The following MED12L variants were observed in gnomAD, a reference collection of about 807,000 sequenced individuals.
MED12L encodes the protein mediator complex subunit 12L.
MED12L carries 60 observed loss-of-function variants against 281.3 expected under a neutral mutation model. The observed-to-expected ratio is 0.21, with a 90% CI of 0.17 to 0.26. The LOEUF is 0.26. MED12L is among the 10% of genes least tolerant of loss of function. MED12L has a pLI of 1.00. For synonymous variants in MED12L, 974 were observed against 987.2 expected, an observed-to-expected ratio of 0.99 and a Z score of 0.25; for missense variants, 2,146 against 2,680.9, an observed-to-expected ratio of 0.80 and a Z score of 4.41.
At chr3:151,170,467 G>A (rs1721292911) in intron 11 of MED12L, among the ~76,000 whole-genome samples, 2 of 151,598 alleles carry the variant, frequency 1.3e-5, no homozygotes, top group African/African-American at 4.8e-5. Context: ...GTAGAGATGG[G>A]GTTTCACCAT....
At chr3:151,394,606 C>T in intron 38 of MED12L, 50 bp from the exon 39 acceptor site, 1 of 1,604,784 alleles carries the variant, frequency 6.2e-7, no homozygotes, top group Non-Finnish European at 8.5e-7. Context: ...ATAAAAAGAC[C>T]TGTTGCATTA....
At chr3:151,427,221 C>T (rs973690057) in intron 43 of MED12L, among the ~76,000 whole-genome samples, 3 of 152,146 alleles carry the variant, frequency 2.0e-5, no homozygotes, top group Admixed American at 6.5e-5. Context: ...CTGTAATGTA[C>T]GTGCATGAGA....
intron 16 of MED12L, among the ~76,000 whole-genome samples, chr3:151,203,434 A>G (rs921240611): frequency 1.3e-5 from 2 of 151,530 alleles, no homozygotes; most frequent in African/African-American, 4.8e-5. Flanking sequence ...TAAAGTATCC[A>G]AGGTATGTTT....
At chr3:151,092,002 A>G (rs902934572) in intron 2 of MED12L, among the ~76,000 whole-genome samples, 2 of 152,204 alleles carry the variant, frequency 1.3e-5, no homozygotes, top group African/African-American at 4.8e-5. Flanking sequence ...CTGATCCCTT[A>G]TTAAAGGATG....
intron 39 of MED12L, among the ~76,000 whole-genome samples, chr3:151,395,686 C>T (rs1714866632): frequency 6.6e-6 from 1 of 152,190 alleles, no homozygotes; most frequent in South Asian, 2.1e-4. Context: ...TTTCTAAGCA[C>T]TTTAGATGTA....
At chr3:151,118,773 A>T (rs1469926761) in intron 3 of MED12L, among the ~76,000 whole-genome samples, 1 of 151,890 alleles carries the variant, frequency 6.6e-6, no homozygotes, top group Non-Finnish European at 1.5e-5. Context: ...CGCTCACTGC[A>T]ACCTCTGCCT....
chr3:151,276,550 C>T lies in MED12L; in HGVS notation c.2251-73509C>T, dbSNP rs544583282. Among the ~76,000 whole-genome samples, 22 of 152,224 alleles carry T rather than the reference C, an allele frequency of 1.4e-4. No individual in the cohort carries two copies. The South Asian group carries it at 4.6e-3, about 32-fold the overall frequency. Reference sequence around the variant, plus strand: ...GAGGTTGAAACAGCTCACTTGTGACCGACCTAACTTCTAAGGATATCCTGG... The same window carrying T: ...GAGGTTGAAACAGCTCACTTGTGACTGACCTAACTTCTAAGGATATCCTGG... On this transcript the variant is annotated intron_variant, in intron 16 of 44. Transcript: ENST00000687756.
intron 16 of MED12L, among the ~76,000 whole-genome samples, chr3:151,205,155 T>A (rs1156744859): frequency 6.6e-6 from 1 of 152,234 alleles, no homozygotes; most frequent in Non-Finnish European, 1.5e-5. Context: ...TTTTTCTATC[T>A]GTTTCACTGA....
intron 35 of MED12L, chr3:151,384,556 T>A (rs1387865517): frequency 5.0e-6 from 1 of 202,020 alleles, no homozygotes; most frequent in Non-Finnish European, 9.9e-6. Flanking sequence ...AAAATAGCCA[T>A]CTGCATTGAA....
At chr3:151,242,482 G>A (rs1411009792) in intron 16 of MED12L, among the ~76,000 whole-genome samples, 1 of 152,106 alleles carries the variant, frequency 6.6e-6, no homozygotes, top group Non-Finnish European at 1.5e-5. Flanking sequence ...CAGCCTAACT[G>A]GGAGGCACCC....
Position 151,284,290 on chromosome 3 carries a change from T to G in MED12L, c.2251-65769T>G, listed in dbSNP as rs112459285. ...ATCACATGTAGAGTTTTGTTTGTTT[T>G]TTTTTTTCTACCCAAAGAATAAGCC... is the stretch of plus-strand genomic sequence containing the variant. On this transcript the variant is annotated intron_variant, in intron 16 of 44. Coordinates refer to ENST00000687756, the MANE Select transcript of MED12L (RefSeq NM_001393769.1). Among the ~76,000 whole-genome samples the G allele has an allele frequency of 6.6e-3, 997 of 152,184 alleles. 8 individuals carry two copies. The highest frequency in any genetic ancestry group is 0.013 in the South Asian group (61 of 4,828).
chr3:151,097,695 C>T (rs1166466531), intron 2 of MED12L, among the ~76,000 whole-genome samples: 1 of 152,108 alleles, frequency 6.6e-6, no homozygotes, highest in Non-Finnish European at 1.5e-5. Context: ...TTTGGGTTGC[C>T]ACAACTGGGT....
intron 2 of MED12L, among the ~76,000 whole-genome samples, chr3:151,110,728 C>T (rs974711848): frequency 1.1e-4 from 17 of 152,168 alleles, no homozygotes; most frequent in Middle Eastern, 3.4e-3. Context: ...AAACTTTATA[C>T]GCTTGGTTCC....
At chr3:151,207,775 G>A (rs1462135796) in intron 16 of MED12L, among the ~76,000 whole-genome samples, 1 of 152,132 alleles carries the variant, frequency 6.6e-6, no homozygotes, top group Admixed American at 6.5e-5. Context: ...ACATGGGAAG[G>A]GAGGAATAGC....
intron 44 of MED12L, among the ~76,000 whole-genome samples, chr3:151,431,279 T>C (rs1159351167): frequency 6.6e-6 from 1 of 152,180 alleles, no homozygotes; most frequent in East Asian, 1.9e-4. Flanking sequence ...TAGTTTGTGG[T>C]GAAGGCAGTG....
chr3:151,261,685 GTGTTTTGTTTTGTTT>G (rs10627724), intron 16 of MED12L, among the ~76,000 whole-genome samples: 69,421 of 148,626 alleles, frequency 0.47, 16,231 homozygotes, highest in Middle Eastern at 0.65. Flanking sequence ...GTGGTACGTG[GTGTTTTGTTTTGTTT>G]TGTTTTGTTT....
chr3:151,390,312 C>G, intron 38 of MED12L, among the ~76,000 whole-genome samples, 177 bp downstream of exon 38: 1 of 152,056 alleles, frequency 6.6e-6, no homozygotes, highest in South Asian at 2.1e-4. Context: ...GGTTAAATTA[C>G]GAGTTTATGT....
chr3:151,229,383 C>T (rs1218400456), intron 16 of MED12L, among the ~76,000 whole-genome samples: 1 of 147,946 alleles, frequency 6.8e-6, no homozygotes, highest in Non-Finnish European at 1.5e-5. Context: ...TCTCCGCTCA[C>T]TGCAACCTCG....
intron 2 of MED12L, among the ~76,000 whole-genome samples, chr3:151,097,321 A>G (rs917597544): frequency 1.3e-5 from 2 of 152,192 alleles, no homozygotes; most frequent in South Asian, 2.1e-4. Context: ...AATATTAGCC[A>G]TTGGATTTTA....
Sources: allele counts gnomAD v4.1 joint callset (sites outside exome capture counted in the v4.1 genomes callset), GRCh38; gene constraint gnomAD v4.1.1; transcripts MANE v1.5; gene names NCBI Gene and HGNC (gene_info 2026-07-23, HGNC 2026-07-21).